PLCB4: variants seen among roughly 807,000 people sequenced by gnomAD.
The protein encoded by PLCB4 is 1-phosphatidylinositol 4,5-bisphosphate phosphodiesterase beta-4.
PLCB4 carries 77 observed loss-of-function variants against 178.8 expected under a neutral mutation model. The observed-to-expected ratio is 0.43, with a 90% CI of 0.36 to 0.52. The LOEUF (loss-of-function observed/expected upper bound fraction) is 0.52. PLCB4 is among the 20% of genes least tolerant of loss of function. PLCB4 has a pLI of 0.00. For synonymous variants in PLCB4, 496 were observed against 490.8 expected, an observed-to-expected ratio of 1.01 and a Z score of -0.14; for missense variants, 1,024 against 1,453.4, an observed-to-expected ratio of 0.70 and a Z score of 4.80.
intron 28 of PLCB4, among the ~76,000 whole-genome samples, chr20:9,426,547 T>C (rs2041022023): frequency 1.3e-5 from 2 of 152,072 alleles, no homozygotes; most frequent in African/African-American, 4.8e-5. Context: ...CCAGCTAATT[T>C]TGTGTTTTTA....
intron 19 of PLCB4, among the ~76,000 whole-genome samples, chr20:9,399,439 C>T (rs2038863209): frequency 6.6e-6 from 1 of 152,178 alleles, no homozygotes; most frequent in South Asian, 2.1e-4. Flanking sequence ...GCTAGAGTCT[C>T]TAATTTAAAT....
At chr20:9,435,685 T>C in intron 29 of PLCB4, 37 bp downstream of exon 29, 1 of 1,193,946 alleles carries the variant, frequency 8.4e-7, no homozygotes, top group Non-Finnish European at 1.2e-6. Context: ...GGCCAAGTTG[T>C]GGGAGTTTGA....
At chr20:9,074,478 C>G (rs1409162465) in intron 1 of PLCB4, among the ~76,000 whole-genome samples, 1 of 152,210 alleles carries the variant, frequency 6.6e-6, no homozygotes, top group Non-Finnish European at 1.5e-5. Context: ...TTATGGCTCT[C>G]ATCTTGTTCT....
chr20:9,182,299 G>C (rs2093259542), intron 2 of PLCB4, among the ~76,000 whole-genome samples: 1 of 152,098 alleles, frequency 6.6e-6, no homozygotes, highest in Non-Finnish European at 1.5e-5. Context: ...TTATCCTTAG[G>C]CTATCAATCA....
chr20:9,089,500 T>C (rs6118483), intron 1 of PLCB4, among the ~76,000 whole-genome samples: 1 of 152,144 alleles, frequency 6.6e-6, no homozygotes. Context: ...TGTTTATTGA[T>C]ACATTTTTTC....
At chr20:9,090,223 T>TTG (rs1205735706) in intron 1 of PLCB4, among the ~76,000 whole-genome samples, 569 of 45,846 alleles carry the variant, frequency 0.012, 4 homozygotes, top group African/African-American at 0.037. Context: ...AGAATACTAT[T>TTG]TATGTGTGTG....
At chr20:9,337,018 C>A in intron 4 of PLCB4, 108 bp from the exon 5 acceptor site, 1 of 731,514 alleles carries the variant, frequency 1.4e-6, no homozygotes, top group South Asian at 1.6e-5. Flanking sequence ...GTGGATATTA[C>A]ATACAAAAGA....
chr20:9,170,719 C>A (rs1277248749), intron 2 of PLCB4, among the ~76,000 whole-genome samples: 2 of 152,306 alleles, frequency 1.3e-5, no homozygotes, highest in East Asian at 1.9e-4. Context: ...GTCAGCTTTA[C>A]CTTCAGGTAC....
intron 2 of PLCB4, among the ~76,000 whole-genome samples, chr20:9,119,096 G>A (rs2091876005): frequency 6.6e-6 from 1 of 152,160 alleles, no homozygotes; most frequent in Non-Finnish European, 1.5e-5. Context: ...CAAAAGCTTA[G>A]ACTAATAGTC....
intron 2 of PLCB4, among the ~76,000 whole-genome samples, chr20:9,098,355 C>T (rs1340788688): frequency 3.3e-5 from 5 of 152,092 alleles, no homozygotes; most frequent in South Asian, 4.1e-4. Flanking sequence ...ATCTGCATCA[C>T]GTATCTGCTA....
At chr20:9,108,899 AAGAGAGAGAG>A (rs34242182) in intron 2 of PLCB4, among the ~76,000 whole-genome samples, 5 of 142,462 alleles carry the variant, frequency 3.5e-5, no homozygotes, top group Admixed American at 7.1e-5. Context: ...GAGAGAAAAC[AAGAGAGAGAG>A]AGAGAGAGAG....
chr20:9,462,213 C>A (rs2043446820), intron 35 of PLCB4, among the ~76,000 whole-genome samples: 1 of 152,088 alleles, frequency 6.6e-6, no homozygotes, highest in African/African-American at 2.4e-5. Flanking sequence ...AAAGGAATAG[C>A]ATCATCATCA....
intron 2 of PLCB4, among the ~76,000 whole-genome samples, chr20:9,121,899 G>A (rs1182780916): frequency 6.6e-6 from 1 of 152,136 alleles, no homozygotes; most frequent in Non-Finnish European, 1.5e-5. Context: ...AATTATAGCT[G>A]CAAAATATTA....
chr20:9,207,086 A>G (rs2147220379), intron 2 of PLCB4, among the ~76,000 whole-genome samples: 1 of 152,344 alleles, frequency 6.6e-6, no homozygotes, highest in Non-Finnish European at 1.5e-5. Flanking sequence ...ACTGCACTCC[A>G]GCCTGGGAGA....
rs549904274 is a variant in PLCB4, at chr20:9,373,823, A to T, written c.744+719A>T. On this transcript the variant is annotated intron_variant, in intron 12 of 39. Coordinates refer to ENST00000378473, the MANE Select transcript of PLCB4 (RefSeq NM_001377142.1). Reference sequence around the variant, plus strand: ...GCAACTTTTATTACAACTAAAATGAACTACTTTTTTCTTCACACATACAAA... The same window carrying T: ...GCAACTTTTATTACAACTAAAATGATCTACTTTTTTCTTCACACATACAAA... Among the ~76,000 whole-genome samples, 6 of 152,322 alleles carry T rather than the reference A, an allele frequency of 3.9e-5. No individual in the cohort carries two copies. The South Asian group carries it at 1.2e-3, about 32-fold the overall frequency.
chr20:9,107,265 G>T (rs1422520725), intron 2 of PLCB4, among the ~76,000 whole-genome samples: 1 of 152,192 alleles, frequency 6.6e-6, no homozygotes, highest in Non-Finnish European at 1.5e-5. Context: ...GGCTTCAGAA[G>T]TGCATTAAAG....
intron 2 of PLCB4, among the ~76,000 whole-genome samples, chr20:9,139,712 A>ATT (rs11482542): frequency 3.5e-4 from 53 of 149,306 alleles, no homozygotes; most frequent in African/African-American, 9.3e-4. Context: ...TTAAAACCAC[A>ATT]TTTTTTTTTT....
intron 2 of PLCB4, among the ~76,000 whole-genome samples, chr20:9,170,605 G>T (rs920937527): frequency 1.3e-5 from 2 of 152,130 alleles, no homozygotes; most frequent in African/African-American, 2.4e-5. Flanking sequence ...TCATCATTTA[G>T]CCTGAAATAT....
chr20:9,387,105 CA>C (rs1740315416), intron 14 of PLCB4, among the ~76,000 whole-genome samples: 1 of 151,940 alleles, frequency 6.6e-6, no homozygotes, highest in Non-Finnish European at 1.5e-5. Context: ...CCATGTTGGC[CA>C]GGCTGGTCTC....
Sources: allele counts gnomAD v4.1 joint callset (sites outside exome capture counted in the v4.1 genomes callset), GRCh38; gene constraint gnomAD v4.1.1; transcripts MANE v1.5; gene names NCBI Gene and HGNC (gene_info 2026-07-23, HGNC 2026-07-21).